KIFAP3: variants seen among roughly 807,000 people sequenced by gnomAD.
The protein encoded by KIFAP3 is kinesin-associated protein 3.
In KIFAP3, 68 loss-of-function variants were observed where a neutral mutation model predicts 106.5. That is an observed-to-expected ratio of 0.64 (90% CI 0.53 to 0.78). The LOEUF (loss-of-function observed/expected upper bound fraction) is 0.78. Among genes scored for constraint, KIFAP3 ranks in the 30% least tolerant of loss-of-function variants. The pLI is 0.00. For synonymous variants in KIFAP3, 320 were observed against 311.5 expected, an observed-to-expected ratio of 1.03 and a Z score of -0.29; for missense variants, 780 against 941.8, an observed-to-expected ratio of 0.83 and a Z score of 2.25.
chr1:169,937,534 T>G (rs16862773), intron 19 of KIFAP3, among the ~76,000 whole-genome samples: 8,512 of 151,870 alleles, frequency 0.056, 740 homozygotes, highest in African/African-American at 0.18. Flanking sequence ...TCATTTTAAG[T>G]ATGGAGTAGT....
Position 170,023,501 on chromosome 1 carries a change from A to C in KIFAP3, c.1020+917T>G, listed in dbSNP as rs368930668. ...TGGAGTTAAGGTCAATAATCCAATA[A>C]CTTCATTTATAGGAAACTGCTCCAA... On this transcript the variant is annotated intron_variant, in intron 9 of 19. Coordinates refer to ENST00000361580, the MANE Select transcript of KIFAP3 (RefSeq NM_014970.4). Among the ~76,000 whole-genome samples the C allele has an allele frequency of 5.3e-5, 8 of 152,208 alleles. No homozygotes were observed. The East Asian group carries it at 1.5e-3, about 29-fold the overall frequency.
chr1:169,991,188 AAT>A (rs1408733087), intron 11 of KIFAP3, among the ~76,000 whole-genome samples: 2 of 152,038 alleles, frequency 1.3e-5, no homozygotes, highest in Non-Finnish European at 2.9e-5. Flanking sequence ...AAAAATAAAA[AAT>A]AAAAAAATTA....
chr1:170,068,368 A>G (rs889110506), intron 1 of KIFAP3: 2 of 152,104 alleles, frequency 1.3e-5, no homozygotes, highest in African/African-American at 4.8e-5. Flanking sequence ...TAGTTTAAAA[A>G]TATATTATCA....
At chr1:169,941,916 TG>T (rs2101812605) in intron 19 of KIFAP3, among the ~76,000 whole-genome samples, 1 of 152,364 alleles carries the variant, frequency 6.6e-6, no homozygotes, top group South Asian at 2.1e-4. Context: ...CACATATTAA[TG>T]TATAAAATTC....
chr1:170,050,427 T>C lies in KIFAP3; in HGVS notation c.165-3561A>G, dbSNP rs59446257. On this transcript the variant is annotated intron_variant, in intron 2 of 19. Transcript: ENST00000361580. ...AAGTTGGAAAACACACTTCAGGATA[T>C]TATCCAGGAGAGCCTCCCCAGCCTA... Among the ~76,000 whole-genome samples the C allele has an allele frequency of 8.1e-3, 1,237 of 152,224 alleles. 22 individuals carry two copies. The highest frequency in any genetic ancestry group is 0.027 in the African/African-American group (1,132 of 41,534).
intron 8 of KIFAP3, among the ~76,000 whole-genome samples, chr1:170,025,313 C>T (rs941523191): frequency 5.9e-5 from 9 of 151,864 alleles, no homozygotes; most frequent in African/African-American, 2.2e-4. Context: ...TCCATTTTTC[C>T]TTGATTGACA....
chr1:170,001,804 A>T (rs1667681858), intron 10 of KIFAP3, among the ~76,000 whole-genome samples: 1 of 152,170 alleles, frequency 6.6e-6, no homozygotes, highest in Admixed American at 6.5e-5. Flanking sequence ...TTTGCTTGGA[A>T]ATCATTATTC....
chr1:170,057,137 G>A (rs990606542), intron 1 of KIFAP3, among the ~76,000 whole-genome samples: 1 of 152,040 alleles, frequency 6.6e-6, no homozygotes, highest in Non-Finnish European at 1.5e-5. Flanking sequence ...TCCAGTACTG[G>A]ACTTTTTATA....
At chr1:169,945,154 GGC>G (rs1558184535) in intron 19 of KIFAP3, among the ~76,000 whole-genome samples, 1 of 152,138 alleles carries the variant, frequency 6.6e-6, no homozygotes, top group African/African-American at 2.4e-5. Context: ...GGCGGGGGGG[GGC>G]TGGTGTGTCA....
chr1:169,967,147 A>G (rs1665671544), intron 17 of KIFAP3, among the ~76,000 whole-genome samples: 1 of 151,966 alleles, frequency 6.6e-6, no homozygotes. Flanking sequence ...TTGGGGGACA[A>G]ATATTAAAAG....
At chr1:169,926,800 A>G (rs1164018183) in intron 19 of KIFAP3, among the ~76,000 whole-genome samples, 3 of 152,116 alleles carry the variant, frequency 2.0e-5, no homozygotes, top group Admixed American at 6.5e-5. Context: ...AAAATCATTT[A>G]TGACTACATA....
At chr1:170,059,197 C>CA (rs1012583138) in intron 1 of KIFAP3, among the ~76,000 whole-genome samples, 2 of 149,954 alleles carry the variant, frequency 1.3e-5, no homozygotes, top group Middle Eastern at 3.4e-3. Flanking sequence ...GATAGAGACA[C>CA]AAAAAAAATC....
At chr1:169,927,155 AC>A (rs909917333) in intron 19 of KIFAP3, among the ~76,000 whole-genome samples, 3 of 152,160 alleles carry the variant, frequency 2.0e-5, no homozygotes, top group African/African-American at 7.2e-5. Flanking sequence ...GACTCTATAT[AC>A]CATTTGCCCA....
intron 10 of KIFAP3, among the ~76,000 whole-genome samples, chr1:170,014,364 C>G (rs1368442169): frequency 1.3e-5 from 2 of 152,190 alleles, no homozygotes; most frequent in Non-Finnish European, 2.9e-5. Flanking sequence ...ATATTCTATG[C>G]TCAAGTTGAA....
At chr1:169,989,795 A>G (rs916372447) in intron 11 of KIFAP3, among the ~76,000 whole-genome samples, 1 of 152,204 alleles carries the variant, frequency 6.6e-6, no homozygotes, top group Non-Finnish European at 1.5e-5. Flanking sequence ...TGTAAGTGAA[A>G]TGTTAAAATT....
At chr1:170,007,899 T>G (rs776746276) in intron 10 of KIFAP3, among the ~76,000 whole-genome samples, 1 of 152,156 alleles carries the variant, frequency 6.6e-6, no homozygotes, top group Non-Finnish European at 1.5e-5. Context: ...CAAAACAGCA[T>G]GGTACTCGTA....
chr1:170,080,700 A>G (rs1417281495), intron 1 of KIFAP3, among the ~76,000 whole-genome samples: 4 of 152,142 alleles, frequency 2.6e-5, no homozygotes, highest in Non-Finnish European at 5.9e-5. Flanking sequence ...AGGTACCTTC[A>G]CCTAGTTTCA....
Position 170,046,603 on chromosome 1 carries a change from C to T in KIFAP3, c.319+109G>A. ...CATAACACTGGTGAAAAAAACCTAC[C>T]CAACATCAAATATCAATAGTTTGAT... On this transcript the variant is annotated intron_variant, in intron 3 of 19. Coordinates refer to ENST00000361580, the MANE Select transcript of KIFAP3 (RefSeq NM_014970.4). 6 of 863,518 alleles carry T rather than the reference C, an allele frequency of 6.9e-6. No homozygotes were observed. The South Asian group carries it at 7.8e-5, about 11-fold the overall frequency. 53.5% of individuals were successfully genotyped at this position (863,518 alleles called of 1,614,324 possible).
At chr1:170,040,597 C>A (rs1486090375) in intron 3 of KIFAP3, among the ~76,000 whole-genome samples, 1 of 152,126 alleles carries the variant, frequency 6.6e-6, no homozygotes, top group Admixed American at 6.5e-5. Flanking sequence ...CTATACTATA[C>A]AACCTACAAT....
Sources: allele counts gnomAD v4.1 joint callset (sites outside exome capture counted in the v4.1 genomes callset), GRCh38; gene constraint gnomAD v4.1.1; transcripts MANE v1.5; gene names NCBI Gene and HGNC (gene_info 2026-07-23, HGNC 2026-07-21).